ZBTB21: variants seen among roughly 807,000 people sequenced by gnomAD.
The protein encoded by ZBTB21 is zinc finger and BTB domain containing 21, also known as zinc finger and BTB domain-containing protein 21.
ZBTB21 carries 10 observed loss-of-function variants against 39.8 expected under a neutral mutation model. The ratio of observed to expected loss-of-function variants is 0.25; its 90% CI spans 0.16 to 0.43. The LOEUF is 0.43. Among genes scored for constraint, ZBTB21 ranks in the 20% least tolerant of loss-of-function variants. The pLI is 1.00. For synonymous variants in ZBTB21, 551 were observed against 498.8 expected, an observed-to-expected ratio of 1.10 and a Z score of -1.40; for missense variants, 1,221 against 1,296.3, an observed-to-expected ratio of 0.94 and a Z score of 0.89.
Position 42,010,338 on chromosome 21 carries a change from C to T in ZBTB21, c.-165G>A. The T allele has an allele frequency of 2.5e-6, 1 of 397,346 alleles. No individual in the cohort carries two copies. The highest frequency in any genetic ancestry group is 4.4e-6 in the Non-Finnish European group (1 of 225,286). The allele number at this position is 397,346 out of a possible 1,614,324, so 24.6% of individuals were successfully genotyped here. On this transcript the variant is annotated 5_prime_UTR_variant, in exon 1 of 3. Transcript: ENST00000310826. ...CGCAGCCGCCGCTGCCGCTGTGATT[C>T]CATCCATCTTGAATTTGACGTCATC...
At chr21:42,006,517 C>T (rs1046177062) in intron 1 of ZBTB21, among the ~76,000 whole-genome samples, 3 of 152,032 alleles carry the variant, frequency 2.0e-5, no homozygotes, top group Non-Finnish European at 4.4e-5. Flanking sequence ...TAAGACCTAA[C>T]CTGCACATCT....
Position 41,993,700 on chromosome 21 carries a change from T to C in ZBTB21, c.396A>G (p.Arg132=). The C allele has an allele frequency of 6.2e-7, 1 of 1,614,138 alleles. No individual in the cohort carries two copies. The highest frequency in any genetic ancestry group is 8.5e-7 in the Non-Finnish European group (1 of 1,180,024). ...CATCATCTTCTACAAACACTTTTTT[T>C]CTATTAGGACACGTTGGAAAGGGGG... The part of the protein sequence containing the change: ...PQAPFPTCPN[R]KKVFVEDDEN... The change falls in exon 3 of 3, where the codon AGA becomes AGG. Residue 132 remains arginine (R), a synonymous_variant. Transcript: ENST00000310826.
chr21:41,994,199 A>G, intron 2 of ZBTB21, 91 bp from the exon 3 acceptor site: 8 of 1,136,656 alleles, frequency 7.0e-6, no homozygotes, highest in Non-Finnish European at 9.9e-6. Context: ...GTCTTTGCAT[A>G]GGTACCAATA....
chr21:42,008,593 C>T (rs916564902), intron 1 of ZBTB21, among the ~76,000 whole-genome samples: 3 of 149,824 alleles, frequency 2.0e-5, no homozygotes, highest in African/African-American at 7.3e-5. Context: ...AAAAATTGTC[C>T]CTTTAATTAT....
chr21:41,991,410 C>T lies in ZBTB21; in HGVS notation c.2686G>A (p.Ala896Thr). 6.2e-7 allele frequency: 1 copy of T among 1,609,676 alleles called. No homozygotes were observed. The highest frequency in any genetic ancestry group is 1.1e-5 in the South Asian group (1 of 90,516). ...AEEEAPEAST[A>T]PKEAGPSKEA... ...TTGCTAGGACCCGCTTCTTTGGGGG[C>T]TGTGCTGGCCTCGGGTGCCTCTTCT... The change falls in exon 3 of 3, where the codon GCC becomes ACC. Residue 896 changes from alanine (A) to threonine (T), a missense_variant. Ala to Thr is a moderately conservative substitution (Grantham distance 58). Coordinates refer to ENST00000310826, the MANE Select transcript of ZBTB21 (RefSeq NM_001098402.2). The surrounding 1 kb of genome is among the most constrained non-coding windows in gnomAD (Gnocchi z 4.9).
intron 1 of ZBTB21, chr21:42,007,708 AC>A (rs2065897262): frequency 6.6e-6 from 1 of 152,226 alleles, no homozygotes; most frequent in African/African-American, 2.4e-5. Context: ...TAAAGAAAGA[AC>A]CCTTGTTTGC....
intron 2 of ZBTB21, among the ~76,000 whole-genome samples, chr21:42,000,842 T>C (rs1007818178): frequency 6.6e-6 from 1 of 152,166 alleles, no homozygotes; most frequent in African/African-American, 2.4e-5. Flanking sequence ...ATAACCTCCA[T>C]TTAGAGCCAT....
chr21:41,995,599 A>G (rs2065735686), intron 2 of ZBTB21, among the ~76,000 whole-genome samples: 1 of 152,248 alleles, frequency 6.6e-6, no homozygotes. Flanking sequence ...TGCGATAGAA[A>G]AGAAAATCCC....
rs2065704284 is a variant in ZBTB21, at chr21:41,993,610, A to G, written c.486T>C (p.Thr162=). The change falls in exon 3 of 3, where the codon ACT becomes ACC. Residue 162 remains threonine (T), a synonymous_variant. Coordinates refer to ENST00000310826, the MANE Select transcript of ZBTB21 (RefSeq NM_001098402.2). The stretch of plus-strand genomic sequence containing the variant: ...TTACATCGGGTTGATTTTGACTAAC[A>G]GTTTTTCCTTGCGCTTCGTTTCTAC... ...CQSRNEAQGK[T]VSQNQPDVSH... 3.7e-6 allele frequency: 6 copies of G among 1,614,086 alleles called. No individual in the cohort carries two copies. The highest frequency in any genetic ancestry group is 5.1e-6 in the Non-Finnish European group (6 of 1,180,048).
At chr21:41,996,553 C>T (rs1569109185) in intron 2 of ZBTB21, among the ~76,000 whole-genome samples, 3 of 152,198 alleles carry the variant, frequency 2.0e-5, no homozygotes, top group Non-Finnish European at 4.4e-5. Context: ...ACTTTGCAGG[C>T]TCATAGGCGG....
intron 1 of ZBTB21, among the ~76,000 whole-genome samples, chr21:42,004,004 CTTTT>C (rs35909811): frequency 1.5e-5 from 2 of 135,032 alleles, no homozygotes. Flanking sequence ...TATCTCACAT[CTTTT>C]TTTTTTTTTT....
chr21:42,001,390 C>A (rs962862053), intron 2 of ZBTB21, among the ~76,000 whole-genome samples: 2 of 152,222 alleles, frequency 1.3e-5, no homozygotes, highest in Non-Finnish European at 2.9e-5. Context: ...GTGCTAGAAC[C>A]CTTCTAGACA....
intron 2 of ZBTB21, among the ~76,000 whole-genome samples, chr21:41,998,593 C>G (rs1601646142): frequency 6.6e-6 from 1 of 152,242 alleles, no homozygotes; most frequent in African/African-American, 2.4e-5. Flanking sequence ...ACGGTTTTAT[C>G]TTTCTCTAGC....
chr21:41,999,377 T>C (rs2065790080), intron 2 of ZBTB21, among the ~76,000 whole-genome samples: 1 of 152,218 alleles, frequency 6.6e-6, no homozygotes, highest in Non-Finnish European at 1.5e-5. Flanking sequence ...AACTTTTGTT[T>C]CTATTATATA....
intron 1 of ZBTB21, among the ~76,000 whole-genome samples, chr21:42,006,271 C>T (rs936529823): frequency 2.0e-5 from 3 of 151,724 alleles, no homozygotes; most frequent in African/African-American, 2.4e-5. Flanking sequence ...GAAAATTAGC[C>T]GGGTGTGGTG....
chr21:41,997,545 C>T (rs528873547), intron 2 of ZBTB21, among the ~76,000 whole-genome samples: 5 of 147,684 alleles, frequency 3.4e-5, no homozygotes, highest in Non-Finnish European at 5.9e-5. Context: ...CACTGCACTC[C>T]AGCCTGGTTG....
chr21:41,991,507 A>G lies in ZBTB21; in HGVS notation c.2589T>C (p.Cys863=), dbSNP rs373667185. Residue 863 remains cysteine (C), a synonymous_variant, in exon 3 of 3, where the codon TGT becomes TGC. Coordinates refer to ENST00000310826, the MANE Select transcript of ZBTB21 (RefSeq NM_001098402.2). The surrounding 1 kb of genome is among the most constrained non-coding windows in gnomAD (Gnocchi z 4.9). ...TGGAAAGACTAAGGTCTTCGGGAAG[A>G]CAAGAGGAATCTTCCGAGTCGAAGT... ...QVNFDSEDSS[C]LPEDLSLSKQ... The G allele has an allele frequency of 3.7e-6, 6 of 1,614,176 alleles. No homozygotes were observed. The African/African-American group carries it at 6.7e-5, about 18-fold the overall frequency.
intron 1 of ZBTB21, 149 bp from the exon 2 acceptor site, chr21:42,003,110 C>T (rs2065837532): frequency 6.6e-6 from 1 of 152,270 alleles, no homozygotes; most frequent in African/African-American, 2.4e-5. Context: ...ATGACTCAAC[C>T]TTTCTGACTA....
At chr21:42,008,610 TC>T (rs1191427015) in intron 1 of ZBTB21, among the ~76,000 whole-genome samples, 1 of 151,544 alleles carries the variant, frequency 6.6e-6, no homozygotes, top group African/African-American at 2.4e-5. Flanking sequence ...TTATCTCATT[TC>T]CATCGAGAGA....
Sources: allele counts gnomAD v4.1 joint callset (sites outside exome capture counted in the v4.1 genomes callset), GRCh38; gene constraint gnomAD v4.1.1; non-coding constraint Gnocchi (gnomAD v3.1); transcripts MANE v1.5; gene names NCBI Gene and HGNC (gene_info 2026-07-23, HGNC 2026-07-21).